The following ATP8A2 variants were observed in gnomAD, a reference collection of about 807,000 sequenced individuals.
ATP8A2 encodes the protein phospholipid-transporting ATPase IB.
A neutral mutation model predicts 165.6 loss-of-function variants in ATP8A2; 100 were observed. The observed-to-expected ratio is 0.60, with a 90% CI of 0.51 to 0.71. The LOEUF (loss-of-function observed/expected upper bound fraction) is 0.71. ATP8A2 is among the 30% of genes least tolerant of loss of function. ATP8A2 has a pLI of 0.00. For missense variants in ATP8A2, 1,227 were observed against 1,479.5 expected, an observed-to-expected ratio of 0.83 and a Z score of 2.80; for synonymous variants, 543 against 548.8, an observed-to-expected ratio of 0.99 and a Z score of 0.15.
At chr13:25,496,775 A>G (rs2137672543) in intron 2 of ATP8A2, among the ~76,000 whole-genome samples, 1 of 152,322 alleles carries the variant, frequency 6.6e-6, no homozygotes, top group Non-Finnish European at 1.5e-5. Flanking sequence ...GCACAGGTGG[A>G]GTTGACCTTT....
chr13:25,777,475 C>A (rs1281606363), intron 27 of ATP8A2, among the ~76,000 whole-genome samples: 1 of 152,020 alleles, frequency 6.6e-6, no homozygotes, highest in Non-Finnish European at 1.5e-5. Context: ...CTAAAGGTAA[C>A]CCTTATAATT....
intron 1 of ATP8A2, among the ~76,000 whole-genome samples, chr13:25,380,890 A>T (rs2032812973): frequency 6.6e-6 from 1 of 152,054 alleles, no homozygotes; most frequent in African/African-American, 2.4e-5. Flanking sequence ...CCCAAGTATT[A>T]AAAAAAATTT....
At chr13:25,907,670 T>TC (rs1354027756) in intron 33 of ATP8A2, among the ~76,000 whole-genome samples, 1 of 152,190 alleles carries the variant, frequency 6.6e-6, no homozygotes, top group Non-Finnish European at 1.5e-5. Context: ...AAGCCTTACT[T>TC]CTTAACAGGC....
chr13:25,426,774 C>T (rs1474898387), intron 1 of ATP8A2, among the ~76,000 whole-genome samples: 1 of 151,960 alleles, frequency 6.6e-6, no homozygotes, highest in African/African-American at 2.4e-5. Context: ...GAAGCCCTGT[C>T]TCTACCAAAA....
chr13:25,532,048 C>G (rs1444276737), intron 4 of ATP8A2, among the ~76,000 whole-genome samples: 1 of 152,106 alleles, frequency 6.6e-6, no homozygotes, highest in African/African-American at 2.4e-5. Flanking sequence ...TTTTGTACTT[C>G]CAAGTGCTAG....
chr13:25,455,688 C>A lies in ATP8A2; in HGVS notation c.77-13289C>A, dbSNP rs191983424. ...CTTTCCTATCCCTGCCAAGCAGTCA[C>A]CTGCCAGACTCCGTTCATTCCTTTA... On this transcript the variant is annotated intron_variant, in intron 1 of 36. Transcript: ENST00000381655. Among the ~76,000 whole-genome samples, 7 of 152,310 alleles carry A rather than the reference C, an allele frequency of 4.6e-5. No individual in the cohort carries two copies. In the East Asian group the frequency reaches 1.4e-3, roughly 29 times the overall value.
chr13:25,407,774 T>C (rs2033848318), intron 1 of ATP8A2, among the ~76,000 whole-genome samples: 1 of 151,588 alleles, frequency 6.6e-6, no homozygotes, highest in Non-Finnish European at 1.5e-5. Context: ...CCCTGGGTTT[T>C]GCTGGGGAGA....
At chr13:25,643,226 A>T (rs1206746771) in intron 24 of ATP8A2, among the ~76,000 whole-genome samples, 1 of 152,202 alleles carries the variant, frequency 6.6e-6, no homozygotes, top group African/African-American at 2.4e-5. Flanking sequence ...AATTTAAAAA[A>T]GAATATTGTG....
chr13:25,623,915 G>A (rs112405367), intron 24 of ATP8A2, among the ~76,000 whole-genome samples: 3 of 152,068 alleles, frequency 2.0e-5, no homozygotes, highest in African/African-American at 7.2e-5. Flanking sequence ...GTATGTATGT[G>A]TGTGCATATA....
At chr13:25,384,357 T>C (rs2032963070) in intron 1 of ATP8A2, among the ~76,000 whole-genome samples, 1 of 152,222 alleles carries the variant, frequency 6.6e-6, no homozygotes, top group Non-Finnish European at 1.5e-5. Context: ...ACACTGGGTC[T>C]TTCTTTTTTG....
At chr13:25,935,640 G>A (rs1954863737) in intron 33 of ATP8A2, among the ~76,000 whole-genome samples, 1 of 152,142 alleles carries the variant, frequency 6.6e-6, no homozygotes, top group Non-Finnish European at 1.5e-5. Flanking sequence ...GAGAGAACAA[G>A]GGGTAGGGGA....
At position 25,574,751 on chromosome 13, in the gene ATP8A2, T is replaced by C. The variant is rs1317954674; in HGVS notation, c.1663-57T>C. ...TGTCTGTTTATGCTTGGGAGACAAT[T>C]GCTTTGAGATTTTAATACTTTGCAC... On this transcript the variant is annotated intron_variant, in intron 18 of 36. Transcript: ENST00000381655. 3.1e-6 allele frequency: 3 copies of C among 981,564 alleles called. No homozygotes were observed. In the East Asian group the frequency reaches 7.1e-5, roughly 23 times the overall value. 60.8% of individuals were successfully genotyped at this position (981,564 alleles called of 1,614,324 possible). A position where few individuals can be genotyped will look rare whatever the true frequency, so the allele number is the denominator to read the frequency against.
intron 1 of ATP8A2, among the ~76,000 whole-genome samples, chr13:25,393,604 T>C (rs539125392): frequency 6.6e-6 from 1 of 152,158 alleles, no homozygotes; most frequent in Non-Finnish European, 1.5e-5. Flanking sequence ...TTAGTAGAGA[T>C]GGGGTTTCAC....
chr13:25,692,048 G>T (rs2042735916), intron 24 of ATP8A2, among the ~76,000 whole-genome samples: 1 of 152,190 alleles, frequency 6.6e-6, no homozygotes, highest in Non-Finnish European at 1.5e-5. Flanking sequence ...AGCTGCACTG[G>T]GTGTGAGAGG....
At position 25,599,325 on chromosome 13, in the gene ATP8A2, T is replaced by C. The variant is rs139774097; in HGVS notation, c.2211+9626T>C. Among the ~76,000 whole-genome samples the C allele has an allele frequency of 1.3e-4, 20 of 152,288 alleles. No homozygotes were observed. The East Asian group carries it at 3.9e-3, about 29-fold the overall frequency. On this transcript the variant is annotated intron_variant, in intron 24 of 36. Coordinates refer to ENST00000381655, the MANE Select transcript of ATP8A2 (RefSeq NM_016529.6). Reference sequence around the variant, plus strand: ...GAGAACATCATCCTCTGGGTTCCTCTTCCCTGAATCACAATTTGGGAAGTA... The same window carrying C: ...GAGAACATCATCCTCTGGGTTCCTCCTCCCTGAATCACAATTTGGGAAGTA...
chr13:25,531,183 ATGT>A (rs1566228655), intron 4 of ATP8A2, among the ~76,000 whole-genome samples: 44 of 137,018 alleles, frequency 3.2e-4, no homozygotes, highest in Admixed American at 4.5e-4. Context: ...TGATATATAT[ATGT>A]TATATATGTT....
intron 2 of ATP8A2, among the ~76,000 whole-genome samples, chr13:25,520,904 G>A (rs956510293): frequency 1.2e-4 from 19 of 152,160 alleles, no homozygotes; most frequent in African/African-American, 2.9e-4. Flanking sequence ...ATGAGCCACC[G>A]TGCCGGCCCT....
chr13:25,401,442 A>G (rs2033632905), intron 1 of ATP8A2, among the ~76,000 whole-genome samples: 1 of 152,206 alleles, frequency 6.6e-6, no homozygotes. Context: ...TTACTAATAA[A>G]TGTTTGTTCT....
Position 25,828,070 on chromosome 13 carries a change from T to C in ATP8A2, c.2680-48T>C, listed in dbSNP as rs771544677. On this transcript the variant is annotated intron_variant, in intron 27 of 36. Coordinates refer to ENST00000381655, the MANE Select transcript of ATP8A2 (RefSeq NM_016529.6). ...GCTACTTCTTCAGTGAATGGAAACA[T>C]TTAGGTCAATATTGATATAAAACTT... The C allele has an allele frequency of 6.2e-6, 9 of 1,449,876 alleles. No homozygotes were observed. The East Asian group carries it at 1.8e-4, about 29-fold the overall frequency. 89.8% of individuals were successfully genotyped at this position (1,449,876 alleles called of 1,614,324 possible).
Sources: gnomAD v4.1 joint callset for allele counts (sites outside exome capture counted in the v4.1 genomes callset) on GRCh38, gnomAD v4.1.1 for gene constraint, MANE v1.5 for transcripts, NCBI Gene and HGNC (gene_info 2026-07-23, HGNC 2026-07-21) for gene names.